The following TMEM272 variants were observed in gnomAD, a reference collection of about 807,000 sequenced individuals.
The protein encoded by TMEM272 is transmembrane protein 272.
Under a neutral mutation model 3.7 loss-of-function variants are expected in TMEM272, and 8 were observed. The ratio of observed to expected loss-of-function variants is 2.17; its 90% CI spans 1.27 to 3.91. The LOEUF (loss-of-function observed/expected upper bound fraction) is 3.91, where lower values mean the gene tolerates loss of function less well. Among genes scored for constraint, TMEM272 ranks in the 30% most tolerant of loss-of-function variants. The probability of loss-of-function intolerance (pLI) is 0.00; values close to 1 mark genes in which losing one functional copy is unlikely to be tolerated. For synonymous variants in TMEM272, 63 were observed against 39.8 expected (o/e 1.58, Z -2.20); for missense variants, 166 against 91.5 (o/e 1.81, Z -3.32).
chr13:51,859,505 AACACACACACACACAC>A, the TMEM272 span, among the ~76,000 whole-genome samples: 14 of 129,868 alleles, frequency 1.1e-4, no homozygotes, highest in African/African-American at 1.4e-4. Flanking sequence ...CTCCCAACCA[AACACACACACACACAC>A]ACACACACAC....
At chr13:51,875,258 A>G in the TMEM272 span, among the ~76,000 whole-genome samples, 1 of 152,228 alleles carries the variant, frequency 6.6e-6, no homozygotes, top group Non-Finnish European at 1.5e-5. Flanking sequence ...AGGGAGCCCA[A>G]GGTCACACAA....
At chr13:51,918,856 C>A in the TMEM272 span, among the ~76,000 whole-genome samples, 2 of 146,254 alleles carry the variant, frequency 1.4e-5, no homozygotes, top group Non-Finnish European at 3.0e-5. Flanking sequence ...CCATGTTGCC[C>A]AGGCTGGTCT....
At chr13:51,856,400 T>C in the TMEM272 span, among the ~76,000 whole-genome samples, 1 of 152,276 alleles carries the variant, frequency 6.6e-6, no homozygotes, top group South Asian at 2.1e-4. Flanking sequence ...GCCCCTCCCA[T>C]AATCCTAATC....
the TMEM272 span, among the ~76,000 whole-genome samples, chr13:51,860,638 C>CAAAAA: frequency 9.4e-6 from 1 of 105,916 alleles, no homozygotes; most frequent in African/African-American, 3.5e-5. Context: ...AAACATGTCT[C>CAAAAA]AAAAAAAAAA....
At chr13:51,858,830 G>A in the TMEM272 span, among the ~76,000 whole-genome samples, 2 of 152,164 alleles carry the variant, frequency 1.3e-5, no homozygotes, top group Non-Finnish European at 2.9e-5. Flanking sequence ...AGAAACATGA[G>A]AGGCCAAGCT....
the TMEM272 span, among the ~76,000 whole-genome samples, chr13:51,861,188 T>C: frequency 5.3e-5 from 8 of 151,972 alleles, no homozygotes; most frequent in African/African-American, 1.9e-4. Flanking sequence ...AAGAATAAAA[T>C]GGCAGCTGCT....
At chr13:51,911,229 C>A in the TMEM272 span, among the ~76,000 whole-genome samples, 1 of 152,122 alleles carries the variant, frequency 6.6e-6, no homozygotes, top group Non-Finnish European at 1.5e-5. Flanking sequence ...TTGACCATTA[C>A]GTCATTGAAG....
At chr13:51,879,375 A>G in the TMEM272 span, among the ~76,000 whole-genome samples, 2 of 152,124 alleles carry the variant, frequency 1.3e-5, no homozygotes, top group Admixed American at 1.3e-4. Context: ...TTGAAAGCGA[A>G]AAAGTCTTAA....
the TMEM272 span, among the ~76,000 whole-genome samples, chr13:51,930,137 C>T: frequency 5.4e-5 from 8 of 148,726 alleles, no homozygotes; most frequent in Middle Eastern, 3.5e-3. Flanking sequence ...TCCCCCCCCC[C>T]ACTTTCTATA....
chr13:51,919,089 C>T, the TMEM272 span, among the ~76,000 whole-genome samples: 35 of 152,206 alleles, frequency 2.3e-4, no homozygotes, highest in Admixed American at 9.2e-4. Context: ...TTCCCAAGGC[C>T]CTTGCTCGCC....
chr13:51,857,846 C>T, the TMEM272 span, among the ~76,000 whole-genome samples: 1 of 151,636 alleles, frequency 6.6e-6, no homozygotes, highest in Non-Finnish European at 1.5e-5. Flanking sequence ...AAAAACAAAA[C>T]TCAACTATAT....
At chr13:51,830,907 G>A (rs554814619) in intron 2 of TMEM272, among the ~76,000 whole-genome samples, 1 of 151,200 alleles carries the variant, frequency 6.6e-6, no homozygotes, top group South Asian at 2.1e-4. Flanking sequence ...GAGATCTAAT[G>A]AGGCTCACTC....
At chr13:51,847,352 C>T (rs1272186783), upstream of TMEM272, among the ~76,000 whole-genome samples, 5 of 152,210 alleles carry the variant, frequency 3.3e-5, no homozygotes, top group African/African-American at 1.2e-4. Context: ...CCTTCGTGAA[C>T]TGTGCATGCC....
intron 4 of TMEM272, among the ~76,000 whole-genome samples, chr13:51,817,711 G>A (rs544827745): frequency 6.7e-6 from 1 of 149,756 alleles, no homozygotes; most frequent in Non-Finnish European, 1.5e-5. Context: ...GAATTCCCAA[G>A]TGGGGCTGTG....
At chr13:51,905,856 C>T in the TMEM272 span, among the ~76,000 whole-genome samples, 15 of 152,320 alleles carry the variant, frequency 9.8e-5, no homozygotes, top group East Asian at 3.9e-4. Context: ...GCTGTGATGC[C>T]GCCTTCTCTT....
chr13:51,917,826 C>A, the TMEM272 span, among the ~76,000 whole-genome samples: 1 of 152,222 alleles, frequency 6.6e-6, no homozygotes, highest in African/African-American at 2.4e-5. Context: ...TGACCCTGGT[C>A]TCTGCCCCAG....
chr13:51,918,987 T>C, the TMEM272 span, among the ~76,000 whole-genome samples: 1 of 152,086 alleles, frequency 6.6e-6, no homozygotes, highest in Non-Finnish European at 1.5e-5. Flanking sequence ...GACCTCCTTA[T>C]GACACATCTC....
At chr13:51,876,433 G>T in the TMEM272 span, among the ~76,000 whole-genome samples, 1 of 152,206 alleles carries the variant, frequency 6.6e-6, no homozygotes, top group Non-Finnish European at 1.5e-5. Flanking sequence ...CAGAAATCCT[G>T]TTAGGTTCTT....
the TMEM272 span, among the ~76,000 whole-genome samples, chr13:51,867,785 TG>T: frequency 1.3e-5 from 2 of 152,086 alleles, no homozygotes; most frequent in Non-Finnish European, 2.9e-5. Context: ...CAGCAAGCCA[TG>T]GGGAATAGGA....
Sources: gnomAD v4.1 joint callset for allele counts (sites outside exome capture counted in the v4.1 genomes callset) on GRCh38, gnomAD v4.1.1 for gene constraint, MANE v1.5 for transcripts, NCBI Gene and HGNC (gene_info 2026-07-23, HGNC 2026-07-21) for gene names.